The following ZNF518A variants were observed in gnomAD, a reference collection of about 807,000 sequenced individuals.
ZNF518A encodes the protein zinc finger protein 518A.
ZNF518A carries 47 observed loss-of-function variants against 102.7 expected under a neutral mutation model. The ratio of observed to expected loss-of-function variants is 0.46; its 90% CI spans 0.36 to 0.58. The LOEUF (loss-of-function observed/expected upper bound fraction) is 0.58, where lower values mean the gene tolerates loss of function less well. Ranked by LOEUF, ZNF518A falls within the 20% of genes least tolerant of loss-of-function variation. The pLI, the probability that ZNF518A is intolerant of heterozygous loss-of-function variation, is 0.00. For synonymous variants in ZNF518A, 652 were observed against 594.6 expected (o/e 1.10, Z -1.40); for missense variants, 1,793 against 1,699.8 (o/e 1.05, Z -0.96).
chr10:96,174,352 C>A (rs1283900076), intron 1 of ZNF518A, among the ~76,000 whole-genome samples: 1 of 151,854 alleles, frequency 6.6e-6, no homozygotes, highest in African/African-American at 2.4e-5. Flanking sequence ...AATAGAAAGA[C>A]AATAGAGAAC....
chr10:96,192,148 TC>T, intron 1 of ZNF518A: 1 of 1,602,400 alleles, frequency 6.2e-7, no homozygotes, highest in Non-Finnish European at 8.5e-7. Context: ...AAATTTGAGC[TC>T]CACTCCTCCC....
rs2083302269 is a variant in ZNF518A at position 96,189,918 on chromosome 10, A to T, written n.36-13656A>T. The T allele has an allele frequency of 4.0e-6, 4 of 998,092 alleles. No individual in the cohort carries two copies. In the Admixed American group the frequency reaches 6.8e-5, roughly 17 times the overall value. The allele number at this position is 998,092 out of a possible 1,614,324, so 61.8% of individuals were successfully genotyped here. A position where few individuals can be genotyped will look rare whatever the true frequency, so the allele number is the denominator to read the frequency against. On this transcript the variant is annotated intron_variant and non_coding_transcript_variant, in intron 1 of 2. Coordinates refer to the ZNF518A transcript ENST00000442635. ...TGCACTGGCCCTGAACCACACTTCAACCATAAAAGCACTGGTGGTGTTATT... is the reference window on the plus strand; with the variant it reads ...TGCACTGGCCCTGAACCACACTTCATCCATAAAAGCACTGGTGGTGTTATT...
rs1554888150 is a variant in ZNF518A at position 96,161,726 on chromosome 10, T to C, written c.*952T>C. On this transcript the variant is annotated 3_prime_UTR_variant, in exon 6 of 6. Transcript: ENST00000316045. ...TTAAAATTGTTTACCAAAACAGTAT[T>C]TTGAAGCAAGATCATATTTTTGTCT... The C allele has an allele frequency of 6.0e-6, 1 of 166,968 alleles. No individual in the cohort carries two copies. Among genetic ancestry groups the C allele is most frequent in the African/African-American group, 2.4e-5 (1 of 41,446 alleles). 10.3% of individuals were successfully genotyped at this position (166,968 alleles called of 1,614,324 possible). A position where few individuals can be genotyped will look rare whatever the true frequency, so the allele number is the denominator to read the frequency against.
chr10:96,140,503 C>T (rs587681156), intron 3 of ZNF518A, among the ~76,000 whole-genome samples: 90 of 152,150 alleles, frequency 5.9e-4, no homozygotes, highest in African/African-American at 2.0e-3. Flanking sequence ...AAATCACTGT[C>T]GCAGCAAAAT....
intron 3 of ZNF518A, among the ~76,000 whole-genome samples, chr10:96,153,621 A>G (rs3762090): frequency 0.28 from 41,924 of 152,166 alleles, 6,495 homozygotes; most frequent in Non-Finnish European, 0.34. Flanking sequence ...AAGCTTAAGT[A>G]AGGGCTAAGT....
At position 96,160,319 on chromosome 10, in the gene ZNF518A, A is replaced by G; in HGVS notation, c.3997A>G (p.Ser1333Gly). 6.2e-7 allele frequency: 1 copy of G among 1,613,680 alleles called. No homozygotes were observed. The highest frequency in any genetic ancestry group is 1.6e-4 in the Middle Eastern group (1 of 6,062). Reference protein sequence around the residue: ...SIRTLRLFPFSSKQLVKCPRR... With the variant: ...SIRTLRLFPFGSKQLVKCPRR... ...CAGAACTTTGCGGCTTTTCCCTTTT[A>G]GTTCTAAACAGCTTGTGAAATGTCC... Residue 1333 changes from serine (S) to glycine (G), a missense_variant, in exon 6 of 6, where the codon AGT becomes GGT. By Grantham distance (56) the Ser-to-Gly change is moderately conservative (BLOSUM62 0). Coordinates refer to ENST00000316045, the MANE Select transcript of ZNF518A (RefSeq NM_001330736.2).
intron 1 of ZNF518A, chr10:96,189,613 T>C (rs2133902022): frequency 4.3e-6 from 3 of 700,870 alleles, no homozygotes; most frequent in South Asian, 1.4e-5. Context: ...GAGTGTTTTC[T>C]ATTCTGATTT....
downstream of ZNF518A, chr10:96,204,382 T>C: frequency 1.1e-6 from 1 of 948,236 alleles, no homozygotes; most frequent in Non-Finnish European, 1.7e-6. Context: ...TTAAAGTTGC[T>C]CAACACCTTT....
intron 1 of ZNF518A, among the ~76,000 whole-genome samples, chr10:96,187,954 T>C (rs2083282353): frequency 6.6e-6 from 1 of 152,232 alleles, no homozygotes. Context: ...CAAGTGATTC[T>C]CATGCCTCAG....
At chr10:96,195,893 C>T (rs2083453367) in intron 1 of ZNF518A, among the ~76,000 whole-genome samples, 1 of 152,250 alleles carries the variant, frequency 6.6e-6, no homozygotes, top group African/African-American at 2.4e-5. Context: ...CCTGTAATCA[C>T]TCAACCAAAT....
chr10:96,165,183 GCA>G (rs1165885307), downstream of ZNF518A, among the ~76,000 whole-genome samples: 1 of 152,168 alleles, frequency 6.6e-6, no homozygotes, highest in African/African-American at 2.4e-5. Flanking sequence ...GAGTGCAGTG[GCA>G]CAGTCTTGGC....
At chr10:96,167,331 G>A (rs1554890482), downstream of ZNF518A, among the ~76,000 whole-genome samples, 1 of 152,054 alleles carries the variant, frequency 6.6e-6, no homozygotes. Context: ...GTGGGCGCCT[G>A]TAGTCCCAGC....
chr10:96,155,780 AT>A (rs2082668041), intron 4 of ZNF518A, 143 bp from the exon 5 acceptor site: 1 of 152,260 alleles, frequency 6.6e-6, no homozygotes. Flanking sequence ...GAAAAAGTTA[AT>A]AGTATATGGA....
intron 1 of ZNF518A, among the ~76,000 whole-genome samples, chr10:96,177,745 T>G (rs1171894923): frequency 6.6e-6 from 1 of 151,868 alleles, no homozygotes; most frequent in African/African-American, 2.4e-5. Flanking sequence ...AAACAAAAAC[T>G]GGTGGGAAAA....
chr10:96,142,305 GGTGT>G (rs60624825), intron 3 of ZNF518A, among the ~76,000 whole-genome samples: 5,549 of 103,880 alleles, frequency 0.053, 123 homozygotes, highest in East Asian at 0.098. Context: ...ATATTCTTAG[GGTGT>G]GTGTGTGTGT....
Position 96,158,551 on chromosome 10 carries a change from T to C in ZNF518A, c.2229T>C (p.Cys743=). 6.2e-7 allele frequency: 1 copy of C among 1,613,048 alleles called. No individual in the cohort carries two copies. The highest frequency in any genetic ancestry group is 1.1e-5 in the South Asian group (1 of 91,026). ...GTAATGAAAATCAAAATTTAGAGTG[T>C]GCGACTGAAAAATCTAAATGGGAAG... ...LYSNENQNLE[C]ATEKSKWEDF... is the part of the protein sequence containing the mutation. Residue 743 remains cysteine, a synonymous_variant, in exon 6 of 6, where the codon TGT becomes TGC. Transcript: ENST00000316045.
chr10:96,168,365 G>A (rs1245920361), downstream of ZNF518A, among the ~76,000 whole-genome samples: 2 of 149,982 alleles, frequency 1.3e-5, no homozygotes, highest in Non-Finnish European at 3.0e-5. Context: ...TAAAGCATTT[G>A]TGTTCCAAAT....
intron 1 of ZNF518A, chr10:96,196,826 A>G (rs1475253734): frequency 1.5e-5 from 20 of 1,370,250 alleles, no homozygotes; most frequent in Non-Finnish European, 2.1e-5. Context: ...CTTTCTCCTC[A>G]TCTCTAGCAT....
intron 1 of ZNF518A, among the ~76,000 whole-genome samples, chr10:96,197,730 T>C (rs1554895042): frequency 6.6e-6 from 1 of 151,994 alleles, no homozygotes; most frequent in African/African-American, 2.4e-5. Flanking sequence ...ATTATGAAAA[T>C]TCTCTCCTCA....
Sources: allele counts gnomAD v4.1 joint callset (sites outside exome capture counted in the v4.1 genomes callset), GRCh38; gene constraint gnomAD v4.1.1; transcripts MANE v1.5; gene names NCBI Gene and HGNC (gene_info 2026-07-23, HGNC 2026-07-21).